The following NAPSA variants were observed in gnomAD, a reference collection of about 807,000 sequenced individuals.
NAPSA encodes napsin A aspartic peptidase, also known as napsin-A.
A neutral mutation model predicts 36.7 loss-of-function variants in NAPSA; 37 were observed. The ratio of observed to expected loss-of-function variants is 1.01; its 90% CI spans 0.78 to 1.33. The LOEUF (loss-of-function observed/expected upper bound fraction) is 1.33, where lower values mean the gene tolerates loss of function less well. Among genes scored for constraint, NAPSA ranks in the 40% most tolerant of loss-of-function variants. The probability of loss-of-function intolerance (pLI) is 0.00; values close to 1 mark genes in which losing one functional copy is unlikely to be tolerated. For synonymous variants in NAPSA, 222 were observed against 234.5 expected (o/e 0.95, Z 0.49); for missense variants, 532 against 543.8 (o/e 0.98, Z 0.21).
At chr19:50,369,101 T>C (rs1382736422), upstream of NAPSA, 1 of 152,160 alleles carries the variant, frequency 6.6e-6, no homozygotes, top group Non-Finnish European at 1.5e-5. Context: ...CTTTCCCGAA[T>C]CCCCTCAGGA....
chr19:50,359,825 C>G lies in NAPSA; in HGVS notation c.706G>C (p.Gly236Arg). 3 of 1,613,852 alleles carry G rather than the reference C, an allele frequency of 1.9e-6. No individual in the cohort carries two copies. The highest frequency in any genetic ancestry group is 2.5e-6 in the Non-Finnish European group (3 of 1,179,940). ...EEPDGGELVL[G>R]GSDPAHYIPP... ...ATGTAGTGTGCCGGGTCCGAGCCCC[C>G]CAGGACCAGCTCTCCTCCATCAGGC... Residue 236 changes from glycine (G) to arginine (R), a missense_variant, in exon 6 of 9, where the codon GGG becomes CGG. Gly to Arg is a moderately radical substitution (Grantham distance 125, BLOSUM62 -2). Around this residue, in one of 3 missense-constraint regions of NAPSA, gnomAD observed 385 missense variants for 371.5 expected, o/e 1.04. Coordinates refer to ENST00000253719, the MANE Select transcript of NAPSA (RefSeq NM_004851.3).
intron 5 of NAPSA, 121 bp from the exon 6 acceptor site, chr19:50,359,983 A>C: frequency 1.5e-6 from 2 of 1,340,992 alleles, no homozygotes; most frequent in Non-Finnish European, 2.0e-6. Flanking sequence ...CTACGGGGTA[A>C]TGGGATGCAG....
At chr19:50,365,016 ATAAT>A (rs2037528431) in intron 1 of NAPSA, among the ~76,000 whole-genome samples, 3 of 128,168 alleles carry the variant, frequency 2.3e-5, no homozygotes, top group Non-Finnish European at 4.6e-5. Context: ...ATAATAAATA[ATAAT>A]AATAATAATA....
chr19:50,364,489 C>T (rs2123618432), intron 1 of NAPSA, among the ~76,000 whole-genome samples: 1 of 150,368 alleles, frequency 6.7e-6, no homozygotes, highest in Admixed American at 6.7e-5. Context: ...GTGGCGGGTG[C>T]CTGTAGTCCC....
At chr19:50,367,580 CTG>C (rs1162847819), upstream of NAPSA, among the ~76,000 whole-genome samples, 44 of 144,754 alleles carry the variant, frequency 3.0e-4, no homozygotes, top group African/African-American at 1.1e-3. Context: ...CTCTCTCTCT[CTG>C]TCTCTGTCTC....
chr19:50,362,205 C>T lies in NAPSA; in HGVS notation c.192G>A (p.Lys64=), dbSNP rs1382405220. ...AGTTCGAGAGAGGTACGAAGATGGG[C>T]TTGTCCCCAGGGGATGGGGCCCCCA... ...PKLGAPSPGD[K]PIFVPLSNYR... Residue 64 remains lysine, a synonymous_variant, in exon 2 of 9, where the codon AAG becomes AAA. Transcript: ENST00000253719. 6.2e-7 allele frequency: 1 copy of T among 1,613,960 alleles called. No individual in the cohort carries two copies. The highest frequency in any genetic ancestry group is 8.5e-7 in the Non-Finnish European group (1 of 1,179,928).
At chr19:50,358,813 C>A in intron 8 of NAPSA, 33 bp from the exon 9 acceptor site, 1 of 1,561,792 alleles carries the variant, frequency 6.4e-7, no homozygotes, top group Non-Finnish European at 8.7e-7. Flanking sequence ...CTGGGTGTCG[C>A]GGCCACAAGG....
chr19:50,361,519 C>T (rs1271198957), intron 4 of NAPSA, 144 bp downstream of exon 4: 1 of 741,974 alleles, frequency 1.3e-6, no homozygotes, highest in Non-Finnish European at 2.3e-6. Flanking sequence ...TCCCTTCACT[C>T]TGAAAGGCAG....
At position 50,359,503 on chromosome 19, in the gene NAPSA, C is replaced by T. The variant is rs1432101984; in HGVS notation, c.936G>A (p.Glu312=). The change falls in exon 7 of 9, where the codon GAG becomes GAA. Residue 312 remains glutamate (E), a splice_region_variant and synonymous_variant. Coordinates refer to ENST00000253719, the MANE Select transcript of NAPSA (RefSeq NM_004851.3). ...AIGGIPLLAG[E]YIILCSEIPK... ...CGTACCCACCAGACTGGGACCTCAC[C>T]TCCCCAGCCAGCAAGGGGATTCCCC... 5 of 1,613,996 alleles carry T rather than the reference C, an allele frequency of 3.1e-6. No individual in the cohort carries two copies. Among genetic ancestry groups the T allele is most frequent in the Middle Eastern group, 3.3e-4 (2 of 6,082 alleles).
In NAPSA at chr19:50,358,479, A is replaced by G. The variant is rs2037421087; in HGVS notation, c.*74T>C. On this transcript the variant is annotated 3_prime_UTR_variant, in exon 9 of 9. Transcript: ENST00000253719. ...AGAAGCAACCCAGGCAGGTTCGCTCAATGGAAATAGTGGATTTTTACTGGG... is the reference window on the plus strand; with the variant it reads ...AGAAGCAACCCAGGCAGGTTCGCTCGATGGAAATAGTGGATTTTTACTGGG... The G allele has an allele frequency of 2.3e-6, 3 of 1,299,622 alleles. No homozygotes were observed. Among genetic ancestry groups the G allele is most frequent in the East Asian group, 5.1e-5 (2 of 39,418 alleles). The allele number at this position is 1,299,622 out of a possible 1,614,324, so 80.5% of individuals were successfully genotyped here. A position where few individuals can be genotyped will look rare whatever the true frequency, so the allele number is the denominator to read the frequency against.
chr19:50,358,814 G>A, intron 8 of NAPSA, 34 bp from the exon 9 acceptor site: 1 of 1,560,068 alleles, frequency 6.4e-7, no homozygotes, highest in Non-Finnish European at 8.7e-7. Flanking sequence ...TGGGTGTCGC[G>A]GCCACAAGGA....
intron 7 of NAPSA, 114 bp downstream of exon 7, chr19:50,359,389 C>G: frequency 7.2e-7 from 1 of 1,385,544 alleles, no homozygotes; most frequent in Non-Finnish European, 9.9e-7. Context: ...AGTCCAGTGC[C>G]TGCTGCCCTG....
chr19:50,358,890 C>G, intron 8 of NAPSA, 110 bp from the exon 9 acceptor site: 1 of 1,330,212 alleles, frequency 7.5e-7, no homozygotes, highest in Non-Finnish European at 1.0e-6. Flanking sequence ...CGCCAACAAA[C>G]TGCCATCACA....
At chr19:50,367,578 CTCTGTCTCTG>C (rs1343448469), upstream of NAPSA, among the ~76,000 whole-genome samples, 50 of 148,424 alleles carry the variant, frequency 3.4e-4, 1 homozygote, top group African/African-American at 7.8e-4. Context: ...CTCTCTCTCT[CTCTGTCTCTG>C]TCTCTCTCTC....
At chr19:50,358,983 C>A (rs73932467) in intron 8 of NAPSA, 28 bp downstream of exon 8, 1 of 1,566,242 alleles carries the variant, frequency 6.4e-7, no homozygotes, top group East Asian at 2.2e-5. Flanking sequence ...TATGACGTCA[C>A]TATGGCGTCA....
intron 1 of NAPSA, among the ~76,000 whole-genome samples, chr19:50,363,679 C>T (rs2037505315): frequency 6.6e-6 from 1 of 152,124 alleles, no homozygotes; most frequent in Non-Finnish European, 1.5e-5. Flanking sequence ...CCTCCTTCCT[C>T]ACCCTCCTGA....
intron 2 of NAPSA, 34 bp downstream of exon 2, chr19:50,362,138 G>C: frequency 6.2e-7 from 1 of 1,613,074 alleles, no homozygotes; most frequent in Non-Finnish European, 8.5e-7. Context: ...GCTCAAGGGC[G>C]CAGGGGTGAG....
At chr19:50,361,411 GAGA>G in intron 4 of NAPSA, 1 of 573,870 alleles carries the variant, frequency 1.7e-6, no homozygotes, top group South Asian at 2.2e-5. Context: ...CTCCCTGCTT[GAGA>G]AGCCCCACCT....
chr19:50,365,937 T>C (rs912787547), upstream of NAPSA: 2 of 244,912 alleles, frequency 8.2e-6, no homozygotes, highest in South Asian at 1.6e-4. Context: ...CTTTTAACTT[T>C]CACATAACTT....
Sources: allele counts gnomAD v4.1 joint callset (sites outside exome capture counted in the v4.1 genomes callset), GRCh38; gene constraint gnomAD v4.1.1; regional missense constraint gnomAD v4.1.1; transcripts MANE v1.5; gene names NCBI Gene and HGNC (gene_info 2026-07-23, HGNC 2026-07-21).